LAMB3: variants seen among roughly 807,000 people sequenced by gnomAD.
LAMB3 encodes laminin subunit beta-3.
LAMB3 carries 104 observed loss-of-function variants against 140.3 expected under a neutral mutation model. That is an observed-to-expected ratio of 0.74 (90% CI 0.63 to 0.87). The LOEUF (loss-of-function observed/expected upper bound fraction) is 0.87. LAMB3 is among the 40% of genes least tolerant of loss of function. The probability of loss-of-function intolerance (pLI) is 0.00; values close to 1 mark genes in which losing one functional copy is unlikely to be tolerated. For missense variants in LAMB3, 1,531 were observed against 1,575.2 expected (o/e 0.97, Z 0.47); for synonymous variants, 592 against 602.9 (o/e 0.98, Z 0.26).
chr1:209,647,925 C>T (rs1489432267), intron 3 of LAMB3, among the ~76,000 whole-genome samples: 1 of 152,122 alleles, frequency 6.6e-6, no homozygotes, highest in Non-Finnish European at 1.5e-5. Flanking sequence ...ATTATAATTG[C>T]CATTAGTATC....
In LAMB3 at chr1:209,650,120, T is replaced by C. The variant is rs371267954; in HGVS notation, c.29-2A>G. On this transcript the variant is annotated splice_acceptor_variant, in intron 2 of 22. Transcript: ENST00000356082. LOFTEE classifies it high-confidence loss of function. ...GGGCATGCAGGAGGCCAGGCAGGGC[T>C]GAAATCACAGGGATGTGTGATGGAG... 1.2e-6 allele frequency: 2 copies of C among 1,612,194 alleles called. No homozygotes were observed. The highest frequency in any genetic ancestry group is 2.7e-5 in the African/African-American group (2 of 74,986).
At chr1:209,630,492 A>G in intron 9 of LAMB3, 123 bp downstream of exon 9, 1 of 1,122,508 alleles carries the variant, frequency 8.9e-7, no homozygotes, top group East Asian at 2.4e-5. Context: ...TAATGGTGCA[A>G]TTCAGTTTAG....
At chr1:209,628,469 A>C (rs574054712) in intron 10 of LAMB3, among the ~76,000 whole-genome samples, 1 of 152,156 alleles carries the variant, frequency 6.6e-6, no homozygotes, top group Non-Finnish European at 1.5e-5. Flanking sequence ...AGGCCGAGGC[A>C]GGTGGATCAC....
chr1:209,644,055 C>T (rs1349126983), intron 3 of LAMB3, among the ~76,000 whole-genome samples: 1 of 152,120 alleles, frequency 6.6e-6, no homozygotes, highest in African/African-American at 2.4e-5. Flanking sequence ...CTTTTTCCAG[C>T]AATATGGACA....
At chr1:209,638,087 C>A (rs558675250) in intron 4 of LAMB3, 106 bp from the exon 5 acceptor site, 2 of 894,608 alleles carry the variant, frequency 2.2e-6, no homozygotes, top group Admixed American at 2.0e-5. Context: ...AACTCTCTAA[C>A]CTTGATTTTC....
At chr1:209,640,802 C>A (rs1046250216) in intron 3 of LAMB3, among the ~76,000 whole-genome samples, 2 of 151,646 alleles carry the variant, frequency 1.3e-5, no homozygotes, top group Non-Finnish European at 2.9e-5. Context: ...CTAGCACAGG[C>A]CAGGCGCGGT....
In LAMB3 at chr1:209,635,418, T is replaced by G. The variant is rs146943761; in HGVS notation, c.373-780A>C. ...TTTGTTTGTTTGTTTGTTTGTTTGTTTTGAAACAGAGCCTCACTCCGTCAC... is the reference window on the plus strand; with the variant it reads ...TTTGTTTGTTTGTTTGTTTGTTTGTGTTGAAACAGAGCCTCACTCCGTCAC... On this transcript the variant is annotated intron_variant, in intron 5 of 22. Transcript: ENST00000356082. Among the ~76,000 whole-genome samples, 1,388 of 151,264 alleles carry G rather than the reference T, an allele frequency of 9.2e-3. 19 individuals carry two copies. Among genetic ancestry groups the G allele is most frequent in the African/African-American group, 0.033 (1,339 of 40,968 alleles).
intron 3 of LAMB3, among the ~76,000 whole-genome samples, chr1:209,648,073 C>A (rs139008245): frequency 1.2e-3 from 184 of 152,320 alleles, no homozygotes; most frequent in African/African-American, 4.2e-3. Flanking sequence ...AAAAGGGAGT[C>A]TCTATGCCTT....
At position 209,627,968 on chromosome 1, in the gene LAMB3, C is replaced by A. The variant is rs1666531917; in HGVS notation, c.1288+67G>T. The A allele has an allele frequency of 4.0e-5, 62 of 1,531,768 alleles. No homozygotes were observed. In the South Asian group the frequency reaches 6.8e-4, roughly 17 times the overall value. 94.9% of individuals were successfully genotyped at this position (1,531,768 alleles called of 1,614,324 possible). ...TCTGAAGAGAGCACAGTGAGCAGGGCAAGCCGTGGGTCTGGTGGCCCCATG... is the reference window on the plus strand; with the variant it reads ...TCTGAAGAGAGCACAGTGAGCAGGGAAAGCCGTGGGTCTGGTGGCCCCATG... On this transcript the variant is annotated intron_variant, in intron 11 of 22. Coordinates refer to ENST00000356082, the MANE Select transcript of LAMB3 (RefSeq NM_000228.3).
At chr1:209,643,987 T>G (rs552406086) in intron 3 of LAMB3, among the ~76,000 whole-genome samples, 1 of 152,264 alleles carries the variant, frequency 6.6e-6, no homozygotes, top group South Asian at 2.1e-4. Flanking sequence ...TCTCAGCAAG[T>G]AGACAAAGAA....
intron 3 of LAMB3, among the ~76,000 whole-genome samples, chr1:209,647,134 C>T (rs1476866073): frequency 6.6e-6 from 1 of 152,232 alleles, no homozygotes; most frequent in Admixed American, 6.5e-5. Flanking sequence ...TGCCATAAGG[C>T]AAAGCTGGCC....
Position 209,627,521 on chromosome 1 carries a change from C to T in LAMB3, c.1347G>A (p.Gly449=), listed in dbSNP as rs762400142. Residue 449 remains glycine, a synonymous_variant, in exon 12 of 23, where the codon GGG becomes GGA. Coordinates refer to ENST00000356082, the MANE Select transcript of LAMB3 (RefSeq NM_000228.3). ...CCACGTTGGGCAGACAAAGGCAGCG[C>T]CCACTCTCCTCGTCACACGGCATGT... ...RRDMPCDEES[G]RCLCLPNVVG... 2.5e-5 allele frequency: 40 copies of T among 1,613,964 alleles called. No homozygotes were observed. The highest frequency in any genetic ancestry group is 8.3e-5 in the Admixed American group (5 of 60,010).
intron 22 of LAMB3, 54 bp downstream of exon 22, chr1:209,616,417 G>A (rs1055976133): frequency 6.2e-7 from 1 of 1,601,064 alleles, no homozygotes; most frequent in African/African-American, 1.3e-5. Context: ...TGGGTTGGGT[G>A]GGACCAGCCT....
Position 209,638,400 on chromosome 1 carries a change from T to A in LAMB3, c.298+134A>T, listed in dbSNP as rs1016170116. Reference sequence around the variant, plus strand: ...GACCCCAAATATGAGGCAGAAAGATTCTTCTTATCAATCACCCATGTCACA... The same window carrying A: ...GACCCCAAATATGAGGCAGAAAGATACTTCTTATCAATCACCCATGTCACA... On this transcript the variant is annotated intron_variant, in intron 4 of 22. Coordinates refer to ENST00000356082, the MANE Select transcript of LAMB3 (RefSeq NM_000228.3). The A allele has an allele frequency of 4.2e-6, 3 of 712,868 alleles. No homozygotes were observed. The African/African-American group carries it at 5.2e-5, about 12-fold the overall frequency. The allele number at this position is 712,868 out of a possible 1,614,324, so 44.2% of individuals were successfully genotyped here.
Position 209,628,059 on chromosome 1 carries a change from A to AG in LAMB3, c.1263dup (p.Tyr422LeufsTer11). On this transcript the variant is annotated frameshift_variant, in exon 11 of 23. Transcript: ENST00000356082. LOFTEE classifies it high-confidence loss of function. The stretch of plus-strand genomic sequence containing the variant: ...CGGTGGCAGCCCTGCGGGTTGGCGT[A>AG]GGTGAGTCCAGTGAAGCCCGGCTTG... 1 of 1,607,050 alleles carries AG rather than the reference A, an allele frequency of 6.2e-7. No individual in the cohort carries two copies. Among genetic ancestry groups the AG allele is most frequent in the South Asian group, 1.1e-5 (1 of 89,616 alleles).
chr1:209,627,233 T>C, intron 12 of LAMB3, 150 bp downstream of exon 12: 1 of 706,562 alleles, frequency 1.4e-6, no homozygotes, highest in East Asian at 2.7e-5. Flanking sequence ...GAGGGACATC[T>C]GGTGACTTCC....
chr1:209,628,125 C>G lies in LAMB3; in HGVS notation c.1198G>C (p.Val400Leu), dbSNP rs550298199. The stretch of plus-strand genomic sequence containing the variant: ...TCTCCCTGCACATGCTCCTTGCACA[C>G]ACACTGCCCGGTCACTGGGTCACAG... Reference protein sequence around the residue: ...APCDPVTGQCVCKEHVQGERC... With the variant: ...APCDPVTGQCLCKEHVQGERC... The change falls in exon 11 of 23, where the codon GTG becomes CTG. Residue 400 changes from valine (V) to leucine (L), a missense_variant. Physicochemically the swap from Val to Leu is conservative, Grantham distance 32. Transcript: ENST00000356082. The G allele has an allele frequency of 4.4e-6, 7 of 1,587,786 alleles. No homozygotes were observed. The highest frequency in any genetic ancestry group is 1.7e-4 in the Middle Eastern group (1 of 6,028).
At chr1:209,637,318 C>A (rs1166494710) in intron 5 of LAMB3, among the ~76,000 whole-genome samples, 1 of 152,094 alleles carries the variant, frequency 6.6e-6, no homozygotes, top group African/African-American at 2.4e-5. Flanking sequence ...CATTGAATAT[C>A]TGACTATTTC....
At chr1:209,626,554 G>A (rs975154480) in intron 13 of LAMB3, among the ~76,000 whole-genome samples, 1 of 152,250 alleles carries the variant, frequency 6.6e-6, no homozygotes, top group Non-Finnish European at 1.5e-5. Flanking sequence ...GAAGAGGGAA[G>A]AAACAGCCTC....
Sources: gnomAD v4.1 joint callset for allele counts (sites outside exome capture counted in the v4.1 genomes callset) on GRCh38, gnomAD v4.1.1 for gene constraint, MANE v1.5 for transcripts, NCBI Gene and HGNC (gene_info 2026-07-23, HGNC 2026-07-21) for gene names.